Variants in SOX5 observed in about 807,000 individuals in gnomAD.
SOX5 encodes the protein SRY-box transcription factor 5.
Under a neutral mutation model 92.0 loss-of-function variants are expected in SOX5, and 9 were observed. The observed-to-expected ratio is 0.10, with a 90% CI of 0.06 to 0.17. SOX5 has a LOEUF of 0.17. SOX5 is among the 10% of genes least tolerant of loss of function. SOX5 has a pLI of 1.00. For synonymous variants in SOX5, 344 were observed against 336.3 expected (o/e 1.02, Z -0.25); for missense variants, 642 against 944.5 (o/e 0.68, Z 4.20).
At chr12:24,492,792 T>A (rs573537980) in intron 1 of SOX5, among the ~76,000 whole-genome samples, 81 of 152,338 alleles carry the variant, frequency 5.3e-4, no homozygotes, top group Admixed American at 1.6e-3. Context: ...TTAGATTCAT[T>A]GTTACATATA....
At chr12:24,235,969 C>T (rs1447165764) in intron 3 of SOX5, among the ~76,000 whole-genome samples, 4 of 152,084 alleles carry the variant, frequency 2.6e-5, no homozygotes, top group African/African-American at 9.7e-5. Flanking sequence ...GTGGGCAGAT[C>T]ACAAGGTCAG....
chr12:24,108,976 T>C (rs1215097613), intron 4 of SOX5, among the ~76,000 whole-genome samples: 1 of 152,168 alleles, frequency 6.6e-6, no homozygotes, highest in Non-Finnish European at 1.5e-5. Flanking sequence ...GCTAGCAATA[T>C]TTGAAGTTTT....
chr12:24,116,370 T>G (rs1433559257), intron 4 of SOX5, among the ~76,000 whole-genome samples: 2 of 152,144 alleles, frequency 1.3e-5, no homozygotes, highest in East Asian at 3.8e-4. Context: ...GCAATTGATA[T>G]AGCAATAATC....
At chr12:23,764,701 T>C (rs2141389747) in intron 3 of SOX5, among the ~76,000 whole-genome samples, 1 of 152,224 alleles carries the variant, frequency 6.6e-6, no homozygotes, top group Admixed American at 6.5e-5. Context: ...TTTGTTATTG[T>C]TATTCAAAAT....
At chr12:23,740,526 T>C (rs1259736776) in intron 5 of SOX5, among the ~76,000 whole-genome samples, 1 of 152,226 alleles carries the variant, frequency 6.6e-6, no homozygotes, top group Non-Finnish European at 1.5e-5. Context: ...ATCTCAAATG[T>C]CAGCTCTCTA....
chr12:23,604,566 A>C (rs1457298059), intron 8 of SOX5, 33 bp from the exon 9 acceptor site: 2 of 1,594,566 alleles, frequency 1.3e-6, no homozygotes, highest in African/African-American at 2.7e-5. Flanking sequence ...GGGAGAAAGA[A>C]TACTGTGAAT....
intron 1 of SOX5, among the ~76,000 whole-genome samples, chr12:24,384,637 T>C (rs563279922): frequency 6.6e-6 from 1 of 152,342 alleles, no homozygotes; most frequent in South Asian, 2.1e-4. Flanking sequence ...AAGTTAATGC[T>C]CATTTTACTG....
At chr12:24,256,113 G>A (rs969374516) in intron 3 of SOX5, among the ~76,000 whole-genome samples, 1 of 152,222 alleles carries the variant, frequency 6.6e-6, no homozygotes, top group African/African-American at 2.4e-5. Context: ...TGCCAAAGCA[G>A]TGTAATGAAA....
At chr12:23,559,862 C>G (rs1390051664) in intron 11 of SOX5, among the ~76,000 whole-genome samples, 1 of 152,036 alleles carries the variant, frequency 6.6e-6, no homozygotes, top group African/African-American at 2.4e-5. Flanking sequence ...CTTTATCTCT[C>G]TCACTCCTTA....
intron 4 of SOX5, among the ~76,000 whole-genome samples, chr12:24,094,107 C>A (rs570522191): frequency 7.8e-4 from 119 of 152,048 alleles, no homozygotes; most frequent in African/African-American, 2.5e-3. Flanking sequence ...CCACCATGCC[C>A]GGCTAATTTT....
At chr12:23,823,590 G>A (rs961680138) in intron 3 of SOX5, among the ~76,000 whole-genome samples, 3 of 152,136 alleles carry the variant, frequency 2.0e-5, no homozygotes, top group Admixed American at 2.0e-4. Flanking sequence ...ACGATTACGT[G>A]TCTTGGGGTT....
intron 2 of SOX5, among the ~76,000 whole-genome samples, chr12:23,862,732 T>C (rs2096769529): frequency 6.6e-6 from 1 of 152,188 alleles, no homozygotes; most frequent in Non-Finnish European, 1.5e-5. Flanking sequence ...GACTTTGTAA[T>C]AGGTTCTTAC....
chr12:23,901,931 C>G (rs2097237992), intron 1 of SOX5, among the ~76,000 whole-genome samples: 1 of 152,088 alleles, frequency 6.6e-6, no homozygotes, highest in Non-Finnish European at 1.5e-5. Context: ...AGTTCAATAA[C>G]AGTATCCTTT....
chr12:24,397,933 T>C (rs1276129321), intron 1 of SOX5, among the ~76,000 whole-genome samples: 1 of 152,098 alleles, frequency 6.6e-6, no homozygotes, highest in Non-Finnish European at 1.5e-5. Context: ...CACTGCAAGC[T>C]CCGACTCCCG....
chr12:23,894,107 G>A (rs2097154777), intron 2 of SOX5, among the ~76,000 whole-genome samples: 1 of 152,094 alleles, frequency 6.6e-6, no homozygotes, highest in Non-Finnish European at 1.5e-5. Context: ...CTGTAAAACA[G>A]AATTAATAAT....
intron 2 of SOX5, among the ~76,000 whole-genome samples, chr12:24,317,063 C>T (rs536968301): frequency 6.6e-6 from 1 of 152,302 alleles, no homozygotes; most frequent in South Asian, 2.1e-4. Flanking sequence ...AATCATACAA[C>T]CTCAATGTGT....
intron 4 of SOX5, among the ~76,000 whole-genome samples, chr12:24,134,522 A>G (rs1270139931): frequency 6.6e-6 from 1 of 152,142 alleles, no homozygotes; most frequent in Non-Finnish European, 1.5e-5. Context: ...AAATGTGTTT[A>G]TTTATAACAC....
At chr12:24,363,790 T>C (rs551248413) in intron 2 of SOX5, among the ~76,000 whole-genome samples, 2 of 152,032 alleles carry the variant, frequency 1.3e-5, no homozygotes, top group South Asian at 4.2e-4. Context: ...TGTAGTATGA[T>C]TTAGAATACC....
chr12:23,791,515 G>A (rs2095474558), intron 3 of SOX5, among the ~76,000 whole-genome samples: 1 of 152,170 alleles, frequency 6.6e-6, no homozygotes, highest in Non-Finnish European at 1.5e-5. Flanking sequence ...TTCAGCTGCA[G>A]TGTTCAATGG....
Sources: gnomAD v4.1 joint callset for allele counts (sites outside exome capture counted in the v4.1 genomes callset) on GRCh38, gnomAD v4.1.1 for gene constraint, MANE v1.5 for transcripts, NCBI Gene and HGNC (gene_info 2026-07-23, HGNC 2026-07-21) for gene names.